NFIL3: variants seen among roughly 807,000 people sequenced by gnomAD.
NFIL3 encodes nuclear factor, interleukin 3 regulated.
In NFIL3, 5 loss-of-function variants were observed where a neutral mutation model predicts 10.0. That is an observed-to-expected ratio of 0.50 (90% confidence interval 0.26 to 1.06). NFIL3 has a LOEUF of 1.06. Ranked by LOEUF, NFIL3 falls within the 50% of genes least tolerant of loss-of-function variation. The pLI is 0.13. For synonymous variants in NFIL3, 202 were observed against 206.5 expected (o/e 0.98, Z 0.19); for missense variants, 436 against 547.6 (o/e 0.80, Z 2.03).
chr9:91,465,751 G>A, the NFIL3 span, among the ~76,000 whole-genome samples: 1 of 152,048 alleles, frequency 6.6e-6, no homozygotes, highest in Non-Finnish European at 1.5e-5. Context: ...GGATTTATGT[G>A]AGAATTTATG....
the NFIL3 span, among the ~76,000 whole-genome samples, chr9:91,455,482 G>T: frequency 7.4e-4 from 113 of 151,824 alleles, 1 homozygote; most frequent in Non-Finnish European, 3.4e-4. Flanking sequence ...GTATTTTGTG[G>T]CCTAAATTGT....
chr9:91,462,305 T>C, the NFIL3 span, among the ~76,000 whole-genome samples: 1 of 152,170 alleles, frequency 6.6e-6, no homozygotes. Flanking sequence ...TAGGAGGATC[T>C]GTGTTATCCT....
the NFIL3 span, among the ~76,000 whole-genome samples, chr9:91,444,759 C>T: frequency 6.6e-6 from 1 of 152,022 alleles, no homozygotes; most frequent in East Asian, 1.9e-4. Flanking sequence ...TTTGTGGCAA[C>T]AGTGGTGGCA....
At chr9:91,433,547 A>G in the NFIL3 span, among the ~76,000 whole-genome samples, 1 of 152,228 alleles carries the variant, frequency 6.6e-6, no homozygotes, top group Admixed American at 6.5e-5. Flanking sequence ...AAGAAGTTGC[A>G]GGTGCCCCTA....
At chr9:91,456,375 C>T in the NFIL3 span, among the ~76,000 whole-genome samples, 1 of 152,106 alleles carries the variant, frequency 6.6e-6, no homozygotes, top group Non-Finnish European at 1.5e-5. Context: ...CAGTTCTTTC[C>T]TATCCTTTCC....
At chr9:91,450,396 C>G in the NFIL3 span, among the ~76,000 whole-genome samples, 1 of 152,036 alleles carries the variant, frequency 6.6e-6, no homozygotes, top group Admixed American at 6.6e-5. Context: ...TTTTGGTATA[C>G]TAGTTTGGTT....
chr9:91,443,780 A>G, the NFIL3 span, among the ~76,000 whole-genome samples: 1 of 152,220 alleles, frequency 6.6e-6, no homozygotes, highest in African/African-American at 2.4e-5. Context: ...ACCAGCCCCC[A>G]CCAGCTCCAT....
the NFIL3 span, among the ~76,000 whole-genome samples, chr9:91,465,279 T>C: frequency 7.2e-5 from 11 of 152,264 alleles, no homozygotes; most frequent in South Asian, 2.1e-3. Flanking sequence ...GTTCTGTTTT[T>C]TAAAAAAAAT....
chr9:91,424,560 C>T (rs1235873205), upstream of NFIL3, among the ~76,000 whole-genome samples: 1 of 152,196 alleles, frequency 6.6e-6, no homozygotes, highest in Non-Finnish European at 1.5e-5. Context: ...GCGCCTCTCC[C>T]GAGAGCCGCG....
chr9:91,442,077 CT>C, the NFIL3 span, among the ~76,000 whole-genome samples: 26 of 152,006 alleles, frequency 1.7e-4, no homozygotes, highest in Admixed American at 4.6e-4. Flanking sequence ...AATTATTGTC[CT>C]TTTTTTTCTG....
Position 91,410,157 on chromosome 9 carries a change from A to G in NFIL3, c.578T>C (p.Val193Ala). The change falls in exon 2 of 2, where the codon GTG becomes GCG. Residue 193 changes from valine (V) to alanine (A), a missense_variant. Physicochemically the swap from Val to Ala is moderately conservative, Grantham distance 64. Around this residue, in one of 3 missense-constraint regions of NFIL3, gnomAD observed 338 missense variants for 399.9 expected, o/e 0.85. Transcript: ENST00000297689. The surrounding 1 kb of genome is among the most constrained non-coding windows in gnomAD (Gnocchi z 5.7). Reference protein sequence around the residue: ...PQSSLSDVSEVSSVEHTQESS... With the variant: ...PQSSLSDVSEASSVEHTQESS... ...CTCCTGCGTGTGTTCTACTGAGGAC[A>G]CTTCTGAAACATCGGACAGCGAGCT... The G allele has an allele frequency of 1.9e-6, 3 of 1,614,158 alleles. No individual in the cohort carries two copies. The highest frequency in any genetic ancestry group is 8.5e-7 in the Non-Finnish European group (1 of 1,180,018).
the NFIL3 span, among the ~76,000 whole-genome samples, chr9:91,467,728 G>A: frequency 2.3e-3 from 276 of 118,514 alleles, no homozygotes; most frequent in Middle Eastern, 3.8e-3. Context: ...GATGTTCCCC[G>A]CCTTGCGCCC....
At chr9:91,443,204 A>G in the NFIL3 span, among the ~76,000 whole-genome samples, 5 of 152,246 alleles carry the variant, frequency 3.3e-5, no homozygotes, top group Non-Finnish European at 5.9e-5. Flanking sequence ...ATGGGCTCAG[A>G]AGGGAAGAAA....
the NFIL3 span, among the ~76,000 whole-genome samples, chr9:91,442,371 C>T: frequency 6.6e-3 from 1,006 of 152,250 alleles, 10 homozygotes; most frequent in African/African-American, 0.022. Flanking sequence ...CTTTTAAATT[C>T]TCTATGTCCT....
chr9:91,470,781 A>G, the NFIL3 span, among the ~76,000 whole-genome samples: 3 of 152,168 alleles, frequency 2.0e-5, no homozygotes, highest in South Asian at 6.2e-4. Flanking sequence ...TTATTTACCC[A>G]GTAGTCATTA....
In NFIL3 at chr9:91,410,702, CT is replaced by C; in HGVS notation, c.32del (p.Lys11ArgfsTer15). On this transcript the variant is annotated frameshift_variant, in exon 2 of 2. Coordinates refer to ENST00000297689, the MANE Select transcript of NFIL3 (RefSeq NM_005384.3). LOFTEE classifies it low-confidence loss of function (END_TRUNC). This position sits in a 1 kb window ranked among gnomAD's most constrained non-coding sequence, Gnocchi z 5.7. ...TACTGGCATCAAGAGACGCCTGCTC[CT>C]TTTTGACGGTCTGCATTTTTCTCAG... MQLRKMQTVK[K>X]EQASLDASSN... is the part of the protein sequence containing the mutation. The C allele has an allele frequency of 6.2e-7, 1 of 1,602,920 alleles. No individual in the cohort carries two copies. The highest frequency in any genetic ancestry group is 8.5e-7 in the Non-Finnish European group (1 of 1,176,142).
Position 91,410,661 on chromosome 9 carries a change from A to G in NFIL3, c.74T>C (p.Met25Thr), listed in dbSNP as rs748844812. ...SLDASSNVDK[M>T]MVLNSALTEV... is the part of the protein sequence containing the mutation. ...CGTTAAAGCAGAATTAAGGACCATC[A>G]TCTTGTCCACATTGCTACTGGCATC... The change falls in exon 2 of 2, where the codon ATG becomes ACG. Residue 25 changes from methionine to threonine, a missense_variant. Met to Thr is a moderately conservative substitution (Grantham distance 81). Transcript: ENST00000297689. This position sits in a 1 kb window ranked among gnomAD's most constrained non-coding sequence, Gnocchi z 5.7. 6.2e-7 allele frequency: 1 copy of G among 1,613,800 alleles called. No homozygotes were observed. The highest frequency in any genetic ancestry group is 2.2e-5 in the East Asian group (1 of 44,880).
chr9:91,453,303 A>G, the NFIL3 span, among the ~76,000 whole-genome samples: 2 of 152,034 alleles, frequency 1.3e-5, no homozygotes, highest in Non-Finnish European at 2.9e-5. Flanking sequence ...AAAAGACTCT[A>G]TCCCCAAGTC....
chr9:91,460,370 G>C, the NFIL3 span, among the ~76,000 whole-genome samples: 1 of 146,250 alleles, frequency 6.8e-6, no homozygotes, highest in Non-Finnish European at 1.5e-5. Context: ...CATCTCCCAG[G>C]TTCAAATGAT....
Sources: gnomAD v4.1 joint callset for allele counts (sites outside exome capture counted in the v4.1 genomes callset) on GRCh38, gnomAD v4.1.1 for gene constraint, gnomAD v4.1.1 regional missense constraint, Gnocchi (gnomAD v3.1) non-coding constraint, MANE v1.5 for transcripts, NCBI Gene and HGNC (gene_info 2026-07-23, HGNC 2026-07-21) for gene names.